VPS13B: variants seen among roughly 807,000 people sequenced by gnomAD.
VPS13B encodes vacuolar protein sorting 13 homolog B.
A neutral mutation model predicts 426.4 loss-of-function variants in VPS13B; 285 were observed. The ratio of observed to expected loss-of-function variants is 0.67; its 90% CI spans 0.61 to 0.74. The LOEUF is 0.74. VPS13B is among the 30% of genes least tolerant of loss of function. The probability of loss-of-function intolerance (pLI) is 0.00; values close to 1 mark genes in which losing one functional copy is unlikely to be tolerated. For synonymous variants in VPS13B, 1,676 were observed against 1,676.4 expected (o/e 1.00, Z 0.01); for missense variants, 4,537 against 4,782.6 (o/e 0.95, Z 1.51).
At chr8:99,843,530 C>G (rs1289363955) in intron 54 of VPS13B, among the ~76,000 whole-genome samples, 1 of 152,202 alleles carries the variant, frequency 6.6e-6, no homozygotes, top group African/African-American at 2.4e-5. Flanking sequence ...ATGGAATTAC[C>G]TGCTCCCCCT....
chr8:99,450,726 AT>A (rs1306677604), intron 23 of VPS13B, among the ~76,000 whole-genome samples: 1 of 151,834 alleles, frequency 6.6e-6, no homozygotes, highest in Admixed American at 6.6e-5. Flanking sequence ...AGAAAAAAAA[AT>A]TTTTTTCTTT....
intron 21 of VPS13B, among the ~76,000 whole-genome samples, chr8:99,413,981 T>C (rs1459756516): frequency 6.6e-6 from 1 of 152,196 alleles, no homozygotes; most frequent in African/African-American, 2.4e-5. Flanking sequence ...CTGAATATCC[T>C]TGTTAATTTT....
intron 17 of VPS13B, among the ~76,000 whole-genome samples, chr8:99,214,202 G>A (rs1158184610): frequency 6.6e-6 from 1 of 151,980 alleles, no homozygotes; most frequent in African/African-American, 2.4e-5. Flanking sequence ...AAATTTTATT[G>A]GAACACAATC....
chr8:99,212,545 G>A (rs945647155), intron 17 of VPS13B, among the ~76,000 whole-genome samples: 2 of 152,130 alleles, frequency 1.3e-5, no homozygotes, highest in Non-Finnish European at 2.9e-5. Context: ...GTGGAGGAAG[G>A]CAGAGCTGAG....
intron 23 of VPS13B, among the ~76,000 whole-genome samples, chr8:99,466,560 T>A (rs998052428): frequency 6.6e-6 from 1 of 152,126 alleles, no homozygotes; most frequent in Non-Finnish European, 1.5e-5. Context: ...TTATCTCAAA[T>A]GTTTATATTA....
At chr8:99,760,159 A>T (rs1397014441) in intron 39 of VPS13B, among the ~76,000 whole-genome samples, 2 of 151,468 alleles carry the variant, frequency 1.3e-5, no homozygotes, top group East Asian at 1.9e-4. Context: ...TATTATTATT[A>T]TTTTTAGTAG....
intron 45 of VPS13B, 107 bp from the exon 46 acceptor site, chr8:99,818,344 A>T: frequency 1.7e-6 from 2 of 1,198,434 alleles, no homozygotes; most frequent in Admixed American, 2.0e-5. Flanking sequence ...TTTTTCCCTA[A>T]ACTTTAAACT....
At chr8:99,135,542 T>C (rs1308489122) in intron 10 of VPS13B, 54 bp from the exon 11 acceptor site, 32 of 1,590,256 alleles carry the variant, frequency 2.0e-5, no homozygotes, top group Non-Finnish European at 2.7e-5. Flanking sequence ...TTTTATTTTG[T>C]TTAACAGGCT....
At chr8:99,281,329 C>T (rs922147791) in intron 19 of VPS13B, among the ~76,000 whole-genome samples, 20 of 152,254 alleles carry the variant, frequency 1.3e-4, no homozygotes, top group South Asian at 6.2e-4. Flanking sequence ...GGTTGGGGAC[C>T]GCTGATCGAT....
At chr8:99,056,824 T>C (rs1044246216) in intron 3 of VPS13B, among the ~76,000 whole-genome samples, 2 of 152,086 alleles carry the variant, frequency 1.3e-5, no homozygotes, top group African/African-American at 4.8e-5. Flanking sequence ...AGGAATATTT[T>C]TACTGTGTTG....
At position 99,147,915 on chromosome 8, in the gene VPS13B, C is replaced by T. The variant is rs2132596835; in HGVS notation, c.1918C>T (p.His640Tyr). 6.2e-7 allele frequency: 1 copy of T among 1,613,598 alleles called. No individual in the cohort carries two copies. Among genetic ancestry groups the T allele is most frequent in the East Asian group, 2.2e-5 (1 of 44,848 alleles). The change falls in exon 14 of 62, where the codon CAT becomes TAT. Residue 640 changes from histidine to tyrosine, a missense_variant. This residue lies in a region of VPS13B where 4,311 missense variants were observed against 4,474.3 expected (regional missense o/e 0.96). Coordinates refer to ENST00000357162, the MANE Select transcript of VPS13B (RefSeq NM_152564.5). ...TCTGGAGGAATATATTCCTACTCGACATACAAGTGTTACTCTCCTCAAATG... is the reference window on the plus strand; with the variant it reads ...TCTGGAGGAATATATTCCTACTCGATATACAAGTGTTACTCTCCTCAAATG... Reference protein sequence around the residue: ...ALLEEYIPTRHTSVTLLKCTC... With the variant: ...ALLEEYIPTRYTSVTLLKCTC...
At chr8:99,697,173 C>T in intron 35 of VPS13B, 1 of 546,864 alleles carries the variant, frequency 1.8e-6, no homozygotes, top group South Asian at 1.9e-5. Context: ...AAAGGAAGAG[C>T]AGGTGAAAGT....
intron 39 of VPS13B, among the ~76,000 whole-genome samples, chr8:99,728,600 T>C (rs977549507): frequency 3.9e-5 from 6 of 152,188 alleles, no homozygotes; most frequent in Non-Finnish European, 7.3e-5. Flanking sequence ...TTATAGTCTG[T>C]TAATGTCGTA....
At chr8:99,544,647 A>G (rs936357642) in intron 30 of VPS13B, among the ~76,000 whole-genome samples, 31 of 152,190 alleles carry the variant, frequency 2.0e-4, no homozygotes, top group African/African-American at 7.2e-4. Context: ...AAATAAGTAA[A>G]ATACCACTGA....
chr8:99,482,072 C>T (rs1426106092), intron 25 of VPS13B, among the ~76,000 whole-genome samples: 3 of 152,050 alleles, frequency 2.0e-5, no homozygotes, highest in Non-Finnish European at 2.9e-5. Flanking sequence ...TATGTTTCCT[C>T]GGAAGTATGG....
At chr8:99,055,471 C>T (rs1843799586) in intron 3 of VPS13B, among the ~76,000 whole-genome samples, 1 of 152,128 alleles carries the variant, frequency 6.6e-6, no homozygotes, top group Non-Finnish European at 1.5e-5. Context: ...CTGTCAATTG[C>T]TTGGTAGTAT....
intron 19 of VPS13B, among the ~76,000 whole-genome samples, chr8:99,316,460 T>A (rs1809662179): frequency 6.6e-6 from 1 of 152,180 alleles, no homozygotes; most frequent in African/African-American, 2.4e-5. Context: ...AAGCGCCCTC[T>A]CTGCAGCAAT....
At chr8:99,342,835 T>C (rs1196614311) in intron 19 of VPS13B, among the ~76,000 whole-genome samples, 2 of 89,592 alleles carry the variant, frequency 2.2e-5, no homozygotes, top group East Asian at 5.2e-4. Flanking sequence ...TTTTCCATAA[T>C]GGCTGTATTA....
At chr8:99,099,527 A>G (rs1482967096) in intron 4 of VPS13B, among the ~76,000 whole-genome samples, 1 of 152,118 alleles carries the variant, frequency 6.6e-6, no homozygotes, top group Non-Finnish European at 1.5e-5. Flanking sequence ...AGAAATAAAT[A>G]AGATACAGTC....
Sources: allele counts gnomAD v4.1 joint callset (sites outside exome capture counted in the v4.1 genomes callset), GRCh38; gene constraint gnomAD v4.1.1; regional missense constraint gnomAD v4.1.1; transcripts MANE v1.5; gene names NCBI Gene and HGNC (gene_info 2026-07-23, HGNC 2026-07-21).